YAP1: variants seen among roughly 807,000 people sequenced by gnomAD.
YAP1 encodes the protein transcriptional coactivator YAP1.
YAP1 carries 5 observed loss-of-function variants against 56.9 expected under a neutral mutation model. The observed-to-expected ratio is 0.09, with a 90% confidence interval of 0.05 to 0.18. The LOEUF is 0.18. Among genes scored for constraint, YAP1 ranks in the 10% least tolerant of loss-of-function variants. The pLI is 1.00. For synonymous variants in YAP1, 265 were observed against 248.1 expected (o/e 1.07, Z -0.64); for missense variants, 539 against 651.8 (o/e 0.83, Z 1.88).
intron 2 of YAP1, among the ~76,000 whole-genome samples, chr11:102,130,314 A>G (rs1430078873): frequency 6.6e-6 from 1 of 152,188 alleles, no homozygotes; most frequent in Non-Finnish European, 1.5e-5. Context: ...AGCTAAATAA[A>G]TGGAGATTCC....
intron 6 of YAP1, among the ~76,000 whole-genome samples, chr11:102,214,541 C>T (rs1949568388): frequency 6.6e-6 from 1 of 152,136 alleles, no homozygotes; most frequent in Non-Finnish European, 1.5e-5. Context: ...TTTTTCCCTT[C>T]AAACTGTCTT....
intron 1 of YAP1, among the ~76,000 whole-genome samples, chr11:102,112,945 G>T (rs1943052297): frequency 6.6e-6 from 1 of 152,096 alleles, no homozygotes; most frequent in African/African-American, 2.4e-5. Flanking sequence ...ATTTTTACAA[G>T]AATTTATATC....
At chr11:102,187,334 A>C (rs767030621) in intron 4 of YAP1, among the ~76,000 whole-genome samples, 1 of 150,144 alleles carries the variant, frequency 6.7e-6, no homozygotes. Flanking sequence ...TGGCTTAAAT[A>C]CTGTCCTTTT....
At chr11:102,213,212 C>T (rs1591438271) in intron 6 of YAP1, among the ~76,000 whole-genome samples, 1 of 152,086 alleles carries the variant, frequency 6.6e-6, no homozygotes, top group African/African-American at 2.4e-5. Context: ...GGACTGGGGG[C>T]GGTGGCTCAC....
intron 3 of YAP1, among the ~76,000 whole-genome samples, chr11:102,165,503 G>A (rs1228630693): frequency 6.6e-6 from 1 of 152,100 alleles, no homozygotes; most frequent in African/African-American, 2.4e-5. Context: ...TCAGTGGAGT[G>A]GCAAAAAGCG....
intron 2 of YAP1, among the ~76,000 whole-genome samples, chr11:102,128,175 T>C (rs1944149469): frequency 6.6e-6 from 1 of 152,168 alleles, no homozygotes; most frequent in Admixed American, 6.5e-5. Context: ...TTTTGAAATA[T>C]GAGGACATGA....
intron 6 of YAP1, among the ~76,000 whole-genome samples, chr11:102,214,607 C>T (rs1378411136): frequency 1.3e-5 from 2 of 151,956 alleles, no homozygotes; most frequent in Non-Finnish European, 2.9e-5. Flanking sequence ...TCTTTCTCTT[C>T]GAAGTTCTGA....
intron 1 of YAP1, among the ~76,000 whole-genome samples, chr11:102,113,501 C>T (rs1490550189): frequency 6.6e-6 from 1 of 152,158 alleles, no homozygotes; most frequent in East Asian, 1.9e-4. Flanking sequence ...GGACTGATAA[C>T]ATCTTTATCT....
intron 2 of YAP1, among the ~76,000 whole-genome samples, chr11:102,120,209 A>C (rs547951410): frequency 2.6e-5 from 4 of 152,220 alleles, no homozygotes; most frequent in Non-Finnish European, 5.9e-5. Context: ...GCCACCGTGG[A>C]AGCACTTTTA....
intron 2 of YAP1, among the ~76,000 whole-genome samples, chr11:102,149,029 C>G (rs558936797): frequency 6.6e-6 from 1 of 152,218 alleles, no homozygotes; most frequent in East Asian, 1.9e-4. Flanking sequence ...ATTCTGATAT[C>G]TTTTACCTCT....
In YAP1 at chr11:102,176,745, C is replaced by CAAA. The variant is rs57082707; in HGVS notation, c.689-9244_689-9242dup. Among the ~76,000 whole-genome samples the CAAA allele has an allele frequency of 6.0e-3, 273 of 45,482 alleles. 31 individuals carry two copies. Among genetic ancestry groups the CAAA allele is most frequent in the Admixed American group, 0.017 (51 of 2,992 alleles). 29.8% of individuals were successfully genotyped at this position (45,482 alleles called of 152,430 possible). A position where few individuals can be genotyped will look rare whatever the true frequency, so the allele number is the denominator to read the frequency against. On this transcript the variant is annotated intron_variant, in intron 3 of 8. Transcript: ENST00000282441. ...TGGGCAACAGAGTAAGACTCCGTCTCAAAAAAAAAAAAAAAAAAAAAAAAA... is the reference window on the plus strand; with the variant it reads ...TGGGCAACAGAGTAAGACTCCGTCTCAAAAAAAAAAAAAAAAAAAAAAAAAAAA...
chr11:102,220,044 G>C (rs560397193), intron 6 of YAP1, among the ~76,000 whole-genome samples: 1 of 150,508 alleles, frequency 6.6e-6, no homozygotes, highest in Non-Finnish European at 1.5e-5. Context: ...AATGGCCTCA[G>C]TGTTCTAATG....
rs71059544 is a variant in YAP1, at chr11:102,228,634, C to CAAAAAAAAAAAAAAAAAAAAAA, written c.1276+1059_1277-1041dup. Among the ~76,000 whole-genome samples the CAAAAAAAAAAAAAAAAAAAAAA allele has an allele frequency of 1.9e-3, 60 of 31,636 alleles. 2 individuals are homozygous for CAAAAAAAAAAAAAAAAAAAAAA. The highest frequency in any genetic ancestry group is 3.7e-3 in the Non-Finnish European group (48 of 13,126). The allele number at this position is 31,636 out of a possible 152,430, so 20.8% of individuals were successfully genotyped here. A position where few individuals can be genotyped will look rare whatever the true frequency, so the allele number is the denominator to read the frequency against. ...TGGGTGACAGAGCAAGACTCCGTCT[C>CAAAAAAAAAAAAAAAAAAAAAA]AAAAAAAAAAAAAAAAAAAAAAAAA... is the stretch of plus-strand genomic sequence containing the variant. On this transcript the variant is annotated intron_variant, in intron 8 of 8. Transcript: ENST00000282441.
chr11:102,191,951 G>A (rs1948310740), intron 4 of YAP1, among the ~76,000 whole-genome samples: 1 of 152,194 alleles, frequency 6.6e-6, no homozygotes, highest in Admixed American at 6.5e-5. Flanking sequence ...TGAGTTTACA[G>A]GTGTGAGCCA....
intron 2 of YAP1, among the ~76,000 whole-genome samples, chr11:102,121,710 G>A (rs1213315647): frequency 1.3e-5 from 2 of 152,130 alleles, no homozygotes; most frequent in Non-Finnish European, 2.9e-5. Context: ...TCCACTGTGG[G>A]GCTTGGATCA....
intron 2 of YAP1, among the ~76,000 whole-genome samples, chr11:102,151,068 T>C (rs1945626470): frequency 6.6e-6 from 1 of 152,032 alleles, no homozygotes; most frequent in Non-Finnish European, 1.5e-5. Context: ...GACCCCGTGA[T>C]TTGCCCACCT....
intron 4 of YAP1, among the ~76,000 whole-genome samples, chr11:102,188,805 G>T (rs1347564187): frequency 3.3e-5 from 5 of 152,192 alleles, no homozygotes; most frequent in Non-Finnish European, 7.3e-5. Flanking sequence ...TGGTTATTAA[G>T]TGACACATGA....
At chr11:102,111,566 C>G (rs924828824) in intron 1 of YAP1, among the ~76,000 whole-genome samples, 1 of 151,620 alleles carries the variant, frequency 6.6e-6, no homozygotes, top group African/African-American at 2.4e-5. Context: ...GCGCGCGCCT[C>G]CGCGCGCTCC....
chr11:102,210,898 G>A lies in YAP1; in HGVS notation c.1032+1334G>A, dbSNP rs568554799. Among the ~76,000 whole-genome samples the A allele has an allele frequency of 6.6e-5, 10 of 152,112 alleles. No individual in the cohort carries two copies. In the East Asian group the frequency reaches 1.4e-3, roughly 21 times the overall value. On this transcript the variant is annotated intron_variant, in intron 6 of 8. Coordinates refer to ENST00000282441, the MANE Select transcript of YAP1 (RefSeq NM_001130145.3). ...CTCCCAAGTAGCTGGGACTACAGGC[G>A]CCCGCCACCATGCCCAGCTAATTCT...
Sources: allele counts gnomAD v4.1 joint callset (sites outside exome capture counted in the v4.1 genomes callset), GRCh38; gene constraint gnomAD v4.1.1; transcripts MANE v1.5; gene names NCBI Gene and HGNC (gene_info 2026-07-23, HGNC 2026-07-21).